Variants in TNS1 observed in about 807,000 individuals in gnomAD.
TNS1 encodes the protein tensin 1.
TNS1 carries 62 observed loss-of-function variants against 168.6 expected under a neutral mutation model. That is an observed-to-expected ratio of 0.37 (90% CI 0.30 to 0.45). The LOEUF is 0.45. Ranked by LOEUF, TNS1 falls within the 20% of genes least tolerant of loss-of-function variation. The probability of loss-of-function intolerance (pLI) is 1.00; values close to 1 mark genes in which losing one functional copy is unlikely to be tolerated. For missense variants in TNS1, 2,240 were observed against 2,339.4 expected, an observed-to-expected ratio of 0.96 and a Z score of 0.88; for synonymous variants, 934 against 933.2, an observed-to-expected ratio of 1.00 and a Z score of -0.02.
chr2:217,892,922 G>A, intron 11 of TNS1, 26 bp downstream of exon 11: 2 of 1,613,224 alleles, frequency 1.2e-6, no homozygotes, highest in Non-Finnish European at 1.7e-6. Flanking sequence ...ATGTTCAGAG[G>A]ATGGGAGGCT....
chr2:218,010,618 C>G (rs1469722209), upstream of TNS1, among the ~76,000 whole-genome samples: 3 of 151,646 alleles, frequency 2.0e-5, no homozygotes, highest in Admixed American at 6.6e-5. Context: ...GGAGGGGAGC[C>G]GGCAGAGGCG....
chr2:217,849,921 G>T, intron 18 of TNS1: 1 of 985,412 alleles, frequency 1.0e-6, no homozygotes, highest in Non-Finnish European at 1.2e-6. Flanking sequence ...AGACAAGCTT[G>T]CCCTCAGCTA....
rs1958904631 is a variant in TNS1 at position 218,032,227 on chromosome 2, T to C, written c.156+1593A>G. Among the ~76,000 whole-genome samples the C allele has an allele frequency of 6.6e-6, 1 of 152,122 alleles. No homozygotes were observed. The highest frequency in any genetic ancestry group is 1.5e-5 in the Non-Finnish European group (1 of 68,012). On this transcript the variant is annotated intron_variant, in intron 1 of 1. Transcript: ENST00000649572. The surrounding 1 kb of genome is among the most constrained non-coding windows in gnomAD (Gnocchi z 4.0). The stretch of plus-strand genomic sequence containing the variant: ...ACTTGGAGGCTTAAGAGCCAAGGCA[T>C]GCACCCTCTCAAAGCCAAGGGGAGG...
Position 217,885,068 on chromosome 2 carries a change from A to G in TNS1, c.1213T>C (p.Phe405Leu), listed in dbSNP as rs775534256. 3.1e-6 allele frequency: 5 copies of G among 1,614,100 alleles called. No homozygotes were observed. The African/African-American group carries it at 4.0e-5, about 13-fold the overall frequency. ...TCAIHDLGVV[F>L]GKEDLDDAFK... Reference sequence around the variant, plus strand: ...GCATCATCAAGGTCCTCCTTCCCAAAGACAACCCCCAGGTCATGGATGGCA... The same window carrying G: ...GCATCATCAAGGTCCTCCTTCCCAAGGACAACCCCCAGGTCATGGATGGCA... Residue 405 changes from phenylalanine (F) to leucine (L), a missense_variant, in exon 16 of 33, where the codon TTT becomes CTT. Transcript: ENST00000682258.
rs568306810 is a variant in TNS1, at chr2:217,896,668, G to C, written c.543+1130C>G. 1.2e-3 allele frequency among the ~76,000 whole-genome samples: 177 copies of C among 152,336 alleles called. 2 individuals are homozygous for C. Among genetic ancestry groups the C allele is most frequent in the African/African-American group, 4.1e-3 (172 of 41,568 alleles). ...ATTTTGAGCCACCAGATTTGAGGTA[G>C]AGTCATCACTTGGTGTCTATGGAGG... On this transcript the variant is annotated intron_variant, in intron 8 of 32. Coordinates refer to ENST00000682258, the MANE Select transcript of TNS1 (RefSeq NM_001387777.1).
intron 13 of TNS1, 114 bp from the exon 14 acceptor site, chr2:217,886,218 G>A: frequency 1.8e-6 from 2 of 1,120,966 alleles, no homozygotes; most frequent in Non-Finnish European, 2.6e-6. Flanking sequence ...GGGAAGACGG[G>A]GTAGGAAGGG....
intron 22 of TNS1, among the ~76,000 whole-genome samples, chr2:217,827,966 A>G (rs1486034709): frequency 6.6e-6 from 1 of 152,220 alleles, no homozygotes; most frequent in Non-Finnish European, 1.5e-5. Flanking sequence ...TGTTTGAGAT[A>G]CCACTGGTCT....
rs1010898917 is a variant in TNS1 at position 217,810,151 on chromosome 2, C to T, written c.5104+97G>A. The T allele has an allele frequency of 8.1e-6, 12 of 1,480,040 alleles. No homozygotes were observed. In the Admixed American group the frequency reaches 2.0e-4, roughly 24 times the overall value. 91.7% of individuals were successfully genotyped at this position (1,480,040 alleles called of 1,614,324 possible). On this transcript the variant is annotated intron_variant, in intron 29 of 32. Coordinates refer to ENST00000682258, the MANE Select transcript of TNS1 (RefSeq NM_001387777.1). ...TGTGATCTTCCCAGAGACATTTGGG[C>T]CTGGAGAGACCTCCAGCCTGCACGT... is the stretch of plus-strand genomic sequence containing the variant.
At position 217,830,760 on chromosome 2, in the gene TNS1, G is replaced by C. The variant is rs555605082; in HGVS notation, c.3373+695C>G. On this transcript the variant is annotated intron_variant, in intron 22 of 32. Coordinates refer to ENST00000682258, the MANE Select transcript of TNS1 (RefSeq NM_001387777.1). ...TGCAGCCAGCATCGGGAGTAGGGAT[G>C]GGGGATGAGCACAGGCCAGGGAGAG... Among the ~76,000 whole-genome samples the C allele has an allele frequency of 9.2e-5, 14 of 152,356 alleles. No individual in the cohort carries two copies. In the South Asian group the frequency reaches 2.9e-3, roughly 32 times the overall value.
At chr2:217,854,064 C>T (rs911462467) in intron 18 of TNS1, among the ~76,000 whole-genome samples, 1 of 152,220 alleles carries the variant, frequency 6.6e-6, no homozygotes, top group African/African-American at 2.4e-5. Context: ...GACCCTATCC[C>T]CAGGGACTTC....
chr2:217,910,344 C>A (rs1433691128), intron 4 of TNS1, among the ~76,000 whole-genome samples: 1 of 152,100 alleles, frequency 6.6e-6, no homozygotes, highest in Non-Finnish European at 1.5e-5. Context: ...CCACCCCCTG[C>A]ACCATCTAAA....
chr2:217,894,383 G>A (rs549852155), intron 9 of TNS1, among the ~76,000 whole-genome samples: 176 of 152,316 alleles, frequency 1.2e-3, no homozygotes, highest in African/African-American at 4.1e-3. Flanking sequence ...AGGTCCAGAC[G>A]CGCTGGCCCA....
chr2:217,900,625 C>T (rs766491687), intron 6 of TNS1, 113 bp from the exon 7 acceptor site: 3 of 1,187,106 alleles, frequency 2.5e-6, no homozygotes, highest in Admixed American at 4.6e-5. Flanking sequence ...TCCTTGCCAA[C>T]ATTCTGGCCC....
Position 217,808,589 on chromosome 2 carries a change from T to C in TNS1, c.5342+14A>G. On this transcript the variant is annotated intron_variant, in intron 31 of 32. Coordinates refer to ENST00000682258, the MANE Select transcript of TNS1 (RefSeq NM_001387777.1). ...AAAGCTGTGTGGGAGAGAAGCTGTGTACAAGAGACTTACTTTCTTTCCTGT... is the reference window on the plus strand; with the variant it reads ...AAAGCTGTGTGGGAGAGAAGCTGTGCACAAGAGACTTACTTTCTTTCCTGT... The C allele has an allele frequency of 1.9e-6, 3 of 1,613,670 alleles. No individual in the cohort carries two copies. The highest frequency in any genetic ancestry group is 2.5e-6 in the Non-Finnish European group (3 of 1,179,598).
At chr2:218,014,905 AAGGAAGGAAGGAAGGAAGGCAGGCAGGC>A (rs1267372887), upstream of TNS1, among the ~76,000 whole-genome samples, 67 of 138,490 alleles carry the variant, frequency 4.8e-4, no homozygotes, top group African/African-American at 1.7e-3. Context: ...GGAAGGAAGG[AAGGAAGGAAGGAAGGAAGGCAGGCAGGC>A]AGGCAGGCAG....
intron 23 of TNS1, among the ~76,000 whole-genome samples, chr2:217,820,631 G>T (rs1050852758): frequency 1.3e-5 from 2 of 152,098 alleles, no homozygotes; most frequent in African/African-American, 2.4e-5. Flanking sequence ...GATGGTCAGG[G>T]CAGAGTCTCC....
intron 9 of TNS1, among the ~76,000 whole-genome samples, 184 bp downstream of exon 9, chr2:217,894,822 G>A (rs994680652): frequency 6.6e-6 from 1 of 152,218 alleles, no homozygotes; most frequent in African/African-American, 2.4e-5. Flanking sequence ...ACTGCCCCAA[G>A]CTTTGCTTTC....
chr2:217,800,459 C>T lies in TNS1; in HGVS notation c.*4000G>A, dbSNP rs776622923. The T allele has an allele frequency of 4.6e-5, 7 of 152,382 alleles. No individual in the cohort carries two copies. The highest frequency in any genetic ancestry group is 6.5e-5 in the Admixed American group (1 of 15,302). 9.4% of individuals were successfully genotyped at this position (152,382 alleles called of 1,614,324 possible). ...CCTCCCGACTCCCCTCACTGCTGGG[C>T]GACATTGAATTTGAAGTTCCATTGC... On this transcript the variant is annotated 3_prime_UTR_variant, in exon 33 of 33. Transcript: ENST00000682258.
chr2:217,953,251 C>T (rs1057094827), intron 3 of TNS1, among the ~76,000 whole-genome samples: 2 of 152,102 alleles, frequency 1.3e-5, no homozygotes, highest in South Asian at 2.1e-4. Flanking sequence ...GAGGCTGGGG[C>T]GGAAGGGGTG....
Sources: gnomAD v4.1 joint callset for allele counts (sites outside exome capture counted in the v4.1 genomes callset) on GRCh38, gnomAD v4.1.1 for gene constraint, Gnocchi (gnomAD v3.1) non-coding constraint, MANE v1.5 for transcripts, NCBI Gene and HGNC (gene_info 2026-07-23, HGNC 2026-07-21) for gene names.